DCLRE1A: variants seen among roughly 807,000 people sequenced by gnomAD.
DCLRE1A encodes the protein DNA cross-link repair 1A.
DCLRE1A carries 64 observed loss-of-function variants against 91.9 expected under a neutral mutation model. The ratio of observed to expected loss-of-function variants is 0.70; its 90% CI spans 0.57 to 0.86. The LOEUF is 0.86. Ranked by LOEUF, DCLRE1A falls within the 40% of genes least tolerant of loss-of-function variation. The probability of loss-of-function intolerance (pLI) is 0.00; values close to 1 mark genes in which losing one functional copy is unlikely to be tolerated. For missense variants in DCLRE1A, 1,145 were observed against 1,213.3 expected, an observed-to-expected ratio of 0.94 and a Z score of 0.84; for synonymous variants, 416 against 431.1, an observed-to-expected ratio of 0.96 and a Z score of 0.43.
At chr10:113,842,528 A>T in intron 5 of DCLRE1A, 40 bp from the exon 6 acceptor site, 1 of 1,589,984 alleles carries the variant, frequency 6.3e-7, no homozygotes, top group Non-Finnish European at 8.6e-7. Flanking sequence ...AAGAACAATA[A>T]AAAAGCCATC....
chr10:113,843,715 CA>C (rs1434560423), intron 5 of DCLRE1A, among the ~76,000 whole-genome samples: 1 of 152,190 alleles, frequency 6.6e-6, no homozygotes, highest in African/African-American at 2.4e-5. Context: ...AAAAGAACAA[CA>C]GCAAGTTTGG....
rs147965576 is a variant in DCLRE1A, at chr10:113,835,003, T to A, written c.*149A>T. 835 of 832,168 alleles carry A rather than the reference T, an allele frequency of 1.0e-3. 4 individuals carry two copies. In the African/African-American group the frequency reaches 0.012, roughly 12 times the overall value. The allele number at this position is 832,168 out of a possible 1,614,324, so 51.5% of individuals were successfully genotyped here. On this transcript the variant is annotated 3_prime_UTR_variant, in exon 9 of 9. Transcript: ENST00000361384. Reference sequence around the variant, plus strand: ...TGAGAGGCATTCAGCACCACGAACATGTTGTTCAAACATAAATGAGAAAAT... The same window carrying A: ...TGAGAGGCATTCAGCACCACGAACAAGTTGTTCAAACATAAATGAGAAAAT...
intron 5 of DCLRE1A, among the ~76,000 whole-genome samples, chr10:113,842,796 T>G (rs1449129624): frequency 1.3e-5 from 2 of 152,148 alleles, no homozygotes; most frequent in African/African-American, 4.8e-5. Flanking sequence ...TAGTTATAAA[T>G]TATAAACCTC....
chr10:113,836,088 G>A (rs973485293), intron 8 of DCLRE1A, among the ~76,000 whole-genome samples: 4 of 152,136 alleles, frequency 2.6e-5, no homozygotes, highest in African/African-American at 9.7e-5. Flanking sequence ...CTTCTGTCAT[G>A]ATTGTAAGTT....
intron 2 of DCLRE1A, 50 bp downstream of exon 2, chr10:113,848,930 T>G: frequency 6.5e-7 from 1 of 1,534,378 alleles, no homozygotes; most frequent in Non-Finnish European, 8.8e-7. Context: ...AACACAAAGT[T>G]CAAAAACGTT....
Position 113,852,742 on chromosome 10 carries a change from A to C in DCLRE1A, c.441T>G (p.Ser147=), listed in dbSNP as rs1231921376. 3.7e-6 allele frequency: 6 copies of C among 1,613,878 alleles called. No homozygotes were observed. Among genetic ancestry groups the C allele is most frequent in the Non-Finnish European group, 5.1e-6 (6 of 1,179,918 alleles). The change falls in exon 1 of 9, where the codon TCT becomes TCG. Residue 147 remains serine, a synonymous_variant. Coordinates refer to ENST00000361384, the MANE Select transcript of DCLRE1A (RefSeq NM_014881.5). The part of the protein sequence containing the change: ...PRWHVFECLD[S]PPRSETECPD... ...TCTTACCTGTTTCAGAGCGTGGTGGAGAATCCAAACATTCAAAAACATGCC... is the reference window on the plus strand; with the variant it reads ...TCTTACCTGTTTCAGAGCGTGGTGGCGAATCCAAACATTCAAAAACATGCC...
intron 7 of DCLRE1A, 55 bp downstream of exon 7, chr10:113,841,351 A>T (rs775469504): frequency 2.3e-5 from 37 of 1,577,098 alleles, no homozygotes; most frequent in Non-Finnish European, 2.9e-5. Flanking sequence ...GAAGCTTAAA[A>T]TAATCAGATT....
At chr10:113,850,814 GATTCT>G (rs1845637805) in intron 1 of DCLRE1A, among the ~76,000 whole-genome samples, 170 bp from the exon 2 acceptor site, 2 of 152,148 alleles carry the variant, frequency 1.3e-5, no homozygotes, top group African/African-American at 2.4e-5. Flanking sequence ...ACAAGTTTTA[GATTCT>G]ATTCTAAGAA....
intron 1 of DCLRE1A, 86 bp downstream of exon 1, chr10:113,852,637 C>T: frequency 7.5e-7 from 1 of 1,334,414 alleles, no homozygotes; most frequent in Non-Finnish European, 1.0e-6. Flanking sequence ...TACTGCTTGC[C>T]TTCCTTGTTT....
At position 113,845,796 on chromosome 10, in the gene DCLRE1A, C is replaced by T; in HGVS notation, c.2267G>A (p.Gly756Asp). ...ATGAAGCTTGTTCTTCAACAAATTGCCAGTTATCTGCAAAACAGGACGTGC... is the reference window on the plus strand; with the variant it reads ...ATGAAGCTTGTTCTTCAACAAATTGTCAGTTATCTGCAAAACAGGACGTGC... ...TFPVYCSEITGNLLKNKLHVQ... is the reference protein window; with the variant it reads ...TFPVYCSEITDNLLKNKLHVQ... Residue 756 changes from glycine (G) to aspartate (D), a missense_variant, in exon 4 of 9, where the codon GGC (glycine) becomes GAC (aspartate). By Grantham distance (94) the Gly-to-Asp change is moderately conservative (BLOSUM62 -1). Transcript: ENST00000361384. The T allele has an allele frequency of 1.2e-6, 2 of 1,613,868 alleles. No homozygotes were observed. Among genetic ancestry groups the T allele is most frequent in the Non-Finnish European group, 1.7e-6 (2 of 1,179,790 alleles).
intron 3 of DCLRE1A, among the ~76,000 whole-genome samples, chr10:113,846,245 A>C (rs1403325959): frequency 6.6e-6 from 1 of 152,178 alleles, no homozygotes; most frequent in Non-Finnish European, 1.5e-5. Context: ...ATACAAGTTC[A>C]GACTCTGCCA....
chr10:113,840,075 C>T (rs1845422138), intron 7 of DCLRE1A, among the ~76,000 whole-genome samples: 1 of 152,104 alleles, frequency 6.6e-6, no homozygotes, highest in Non-Finnish European at 1.5e-5. Context: ...GGGCAGACCA[C>T]TTGAGCTCAG....
rs1261690853 is a variant in DCLRE1A, at chr10:113,850,543, T to C, written c.562A>G (p.Ser188Gly). 1.2e-6 allele frequency: 2 copies of C among 1,614,006 alleles called. No individual in the cohort carries two copies. Residue 188 changes from serine (S) to glycine (G), a missense_variant, in exon 2 of 9, where the codon AGC (serine) becomes GGC (glycine). Physicochemically the swap from Ser to Gly is moderately conservative, Grantham distance 56. Coordinates refer to ENST00000361384, the MANE Select transcript of DCLRE1A (RefSeq NM_014881.5). ...AQSRAGDHPF[S>G]SPSPASGGSF... ...CCACCTGACGCAGGTGATGGGCTGC[T>C]AAAAGGATGATCACCAGCCCTGCTT...
chr10:113,849,916 G>A lies in DCLRE1A; in HGVS notation c.1189C>T (p.Pro397Ser), dbSNP rs1344425277. 1.2e-6 allele frequency: 2 copies of A among 1,613,782 alleles called. No individual in the cohort carries two copies. The highest frequency in any genetic ancestry group is 2.7e-5 in the African/African-American group (2 of 74,904). Residue 397 changes from proline to serine, a missense_variant, in exon 2 of 9, where the codon CCT becomes TCT. Coordinates refer to ENST00000361384, the MANE Select transcript of DCLRE1A (RefSeq NM_014881.5). ...PISQNNESTL[P>S]YDLACTGGDF... ...CCACCAGTACATGCCAGATCATAAGGCAAAGTACTCTCATTATTTTGAGAA... is the reference window on the plus strand; with the variant it reads ...CCACCAGTACATGCCAGATCATAAGACAAAGTACTCTCATTATTTTGAGAA...
chr10:113,851,495 A>C (rs1357174243), intron 1 of DCLRE1A, among the ~76,000 whole-genome samples: 1 of 152,192 alleles, frequency 6.6e-6, no homozygotes, highest in Admixed American at 6.5e-5. Context: ...CAAAATATAT[A>C]AATCATCACA....
intron 7 of DCLRE1A, among the ~76,000 whole-genome samples, chr10:113,839,051 C>A (rs892986090): frequency 6.6e-6 from 1 of 152,028 alleles, no homozygotes; most frequent in Non-Finnish European, 1.5e-5. Flanking sequence ...CGAGGCCGGG[C>A]GTGGTGGCTC....
chr10:113,841,111 G>T (rs1181175866), intron 7 of DCLRE1A, among the ~76,000 whole-genome samples: 2 of 152,172 alleles, frequency 1.3e-5, no homozygotes, highest in Non-Finnish European at 2.9e-5. Context: ...ACTGGAAAAT[G>T]ATCTTAAAAA....
chr10:113,849,568 C>G lies in DCLRE1A; in HGVS notation c.1537G>C (p.Val513Leu). 1.2e-6 allele frequency: 2 copies of G among 1,613,850 alleles called. No homozygotes were observed. The highest frequency in any genetic ancestry group is 1.7e-6 in the Non-Finnish European group (2 of 1,179,982). ...ACFCRKALEG[V>L]PVGKATILNT... ...AAAATTGTAGCTTTACCAACTGGCA[C>G]ACCCTCTAATGCCTTTCTGCAGAAA... The change falls in exon 2 of 9, where the codon GTG (valine) becomes CTG (leucine). Residue 513 changes from valine (V) to leucine (L), a missense_variant. Val to Leu is a conservative substitution (Grantham distance 32). Coordinates refer to ENST00000361384, the MANE Select transcript of DCLRE1A (RefSeq NM_014881.5).
chr10:113,849,379 C>T lies in DCLRE1A; in HGVS notation c.1726G>A (p.Gly576Arg), dbSNP rs1427949395. The T allele has an allele frequency of 6.2e-7, 1 of 1,613,730 alleles. No homozygotes were observed. Among genetic ancestry groups the T allele is most frequent in the Non-Finnish European group, 8.5e-7 (1 of 1,179,882 alleles). ...PPKRKEEKLL[G>R]ESALEGINLN... Reference sequence around the variant, plus strand: ...TTTATCCCTTCTAATGCACTTTCCCCTAGCAATTTCTCTTCCTTTCTTTTG... The same window carrying T: ...TTTATCCCTTCTAATGCACTTTCCCTTAGCAATTTCTCTTCCTTTCTTTTG... Residue 576 changes from glycine (G) to arginine (R), a missense_variant, in exon 2 of 9, where the codon GGG becomes AGG. Gly to Arg is a moderately radical substitution (Grantham distance 125, BLOSUM62 -2). Coordinates refer to ENST00000361384, the MANE Select transcript of DCLRE1A (RefSeq NM_014881.5).
Sources: allele counts gnomAD v4.1 joint callset (sites outside exome capture counted in the v4.1 genomes callset), GRCh38; gene constraint gnomAD v4.1.1; transcripts MANE v1.5; gene names NCBI Gene and HGNC (gene_info 2026-07-23, HGNC 2026-07-21).